CSMD1: variants seen among roughly 807,000 people sequenced by gnomAD.
CSMD1 encodes the protein CUB and sushi domain-containing protein 1.
A neutral mutation model predicts 417.5 loss-of-function variants in CSMD1; 213 were observed. The observed-to-expected ratio is 0.51, with a 90% confidence interval of 0.46 to 0.57. The LOEUF (loss-of-function observed/expected upper bound fraction) is 0.57. CSMD1 is among the 20% of genes least tolerant of loss of function. The probability of loss-of-function intolerance (pLI) is 0.00; values close to 1 mark genes in which losing one functional copy is unlikely to be tolerated. For missense variants in CSMD1, 6,923 were observed against 4,529.7 expected (o/e 1.53, Z -15.17); for synonymous variants, 2,862 against 1,736.8 (o/e 1.65, Z -16.11).
At chr8:4,732,641 C>G (rs376723202) in intron 1 of CSMD1, among the ~76,000 whole-genome samples, 1 of 152,122 alleles carries the variant, frequency 6.6e-6, no homozygotes, top group East Asian at 1.9e-4. Flanking sequence ...CCCTGGGAAT[C>G]GTGAGCTCAT....
chr8:3,041,586 TC>T (rs1398049702), intron 50 of CSMD1, among the ~76,000 whole-genome samples: 3 of 152,242 alleles, frequency 2.0e-5, no homozygotes, highest in African/African-American at 7.2e-5. Flanking sequence ...TTGTAGCATT[TC>T]AAAGAAAACA....
Position 3,397,860 on chromosome 8 carries a change from G to C in CSMD1, c.2406-1479C>G, listed in dbSNP as rs140144260. The stretch of plus-strand genomic sequence containing the variant: ...ACCGCCTGGCAATACCATCAGCACA[G>C]AGCTCAGAATTTGTGCGCACAATCC... On this transcript the variant is annotated intron_variant, in intron 16 of 69. Coordinates refer to ENST00000635120, the MANE Select transcript of CSMD1 (RefSeq NM_033225.6). 2.4e-3 allele frequency among the ~76,000 whole-genome samples: 366 copies of C among 152,222 alleles called. 1 individual carries two copies. The highest frequency in any genetic ancestry group is 4.0e-3 in the Non-Finnish European group (274 of 68,012).
intron 4 of CSMD1, among the ~76,000 whole-genome samples, chr8:4,031,031 C>G (rs1797317197): frequency 6.6e-6 from 1 of 152,174 alleles, no homozygotes; most frequent in South Asian, 2.1e-4. Flanking sequence ...ATTTCATTGT[C>G]CATATCATCA....
At chr8:3,427,974 T>C (rs1297627184) in intron 12 of CSMD1, among the ~76,000 whole-genome samples, 1 of 152,222 alleles carries the variant, frequency 6.6e-6, no homozygotes, top group Admixed American at 6.5e-5. Context: ...TTTTGAATTT[T>C]AGAAAATGGA....
intron 18 of CSMD1, among the ~76,000 whole-genome samples, chr8:3,375,628 G>A (rs1196180267): frequency 6.6e-6 from 1 of 151,974 alleles, no homozygotes; most frequent in African/African-American, 2.4e-5. Context: ...AAGGAATCTT[G>A]TGCAGAAACC....
chr8:4,631,595 G>C (rs1229844967), intron 2 of CSMD1, among the ~76,000 whole-genome samples: 3 of 152,012 alleles, frequency 2.0e-5, no homozygotes, highest in African/African-American at 4.8e-5. Context: ...TTTATGTTAG[G>C]TAGGTTTTGT....
At chr8:3,273,421 T>C (rs935176799) in intron 26 of CSMD1, among the ~76,000 whole-genome samples, 1 of 152,176 alleles carries the variant, frequency 6.6e-6, no homozygotes, top group Non-Finnish European at 1.5e-5. Context: ...TGCCAGGCTT[T>C]GGTATCAGGA....
chr8:4,269,204 G>T (rs183970263), intron 3 of CSMD1, among the ~76,000 whole-genome samples: 1 of 151,916 alleles, frequency 6.6e-6, no homozygotes, highest in Non-Finnish European at 1.5e-5. Context: ...CTACAGACCC[G>T]AGCCACCACA....
At chr8:4,143,685 A>G (rs1003112316) in intron 3 of CSMD1, among the ~76,000 whole-genome samples, 2 of 150,946 alleles carry the variant, frequency 1.3e-5, no homozygotes, top group African/African-American at 5.0e-5. Context: ...ATTTAGAATA[A>G]TTGGATAAGA....
chr8:3,218,287 C>T (rs1036993868), intron 29 of CSMD1, among the ~76,000 whole-genome samples: 2 of 152,144 alleles, frequency 1.3e-5, no homozygotes, highest in African/African-American at 2.4e-5. Flanking sequence ...ATTGGCCGGG[C>T]GCGGTGGCTC....
chr8:4,911,167 T>G (rs1805645740), intron 1 of CSMD1, among the ~76,000 whole-genome samples: 1 of 152,230 alleles, frequency 6.6e-6, no homozygotes, highest in African/African-American at 2.4e-5. Flanking sequence ...TTATCAGCAG[T>G]GTGAAAATGG....
Position 3,091,626 on chromosome 8 carries a change from C to G in CSMD1, c.7175G>C (p.Ser2392Thr), listed in dbSNP as rs760724479. Reference sequence around the variant, plus strand: ...ATTTGATTGTTCAGTATGATTCCCACTTAAGACTACTAGCAGAGGACTTTG... The same window carrying G: ...ATTTGATTGTTCAGTATGATTCCCAGTTAAGACTACTAGCAGAGGACTTTG... ...SGQSPLLVVL[S>T]GNHTEQSNFT... Residue 2392 changes from serine to threonine, a missense_variant, in exon 48 of 70, where the codon AGT (serine) becomes ACT (threonine). By Grantham distance (58) the Ser-to-Thr change is moderately conservative. Coordinates refer to ENST00000635120, the MANE Select transcript of CSMD1 (RefSeq NM_033225.6). 6.2e-7 allele frequency: 1 copy of G among 1,611,568 alleles called. No homozygotes were observed. Among genetic ancestry groups the G allele is most frequent in the South Asian group, 1.1e-5 (1 of 90,570 alleles).
chr8:4,565,363 G>A (rs1450060603), intron 2 of CSMD1, among the ~76,000 whole-genome samples: 2 of 152,150 alleles, frequency 1.3e-5, no homozygotes, highest in Admixed American at 6.5e-5. Flanking sequence ...AACAAGCCAT[G>A]TGCAGCTGTG....
At chr8:3,326,114 C>G (rs993974936) in intron 23 of CSMD1, among the ~76,000 whole-genome samples, 1 of 152,158 alleles carries the variant, frequency 6.6e-6, no homozygotes, top group Non-Finnish European at 1.5e-5. Flanking sequence ...GGCTTCTTCC[C>G]ACAGAATCCA....
At chr8:3,035,605 G>T (rs982914524) in intron 50 of CSMD1, among the ~76,000 whole-genome samples, 1 of 152,208 alleles carries the variant, frequency 6.6e-6, no homozygotes, top group African/African-American at 2.4e-5. Flanking sequence ...CTAGCATACA[G>T]ATATCAAATG....
At position 4,188,037 on chromosome 8, in the gene CSMD1, C is replaced by G. The variant is rs552662279; in HGVS notation, c.416-155938G>C. 2.5e-3 allele frequency among the ~76,000 whole-genome samples: 385 copies of G among 152,184 alleles called. 2 individuals are homozygous for G. The highest frequency in any genetic ancestry group is 8.9e-3 in the African/African-American group (371 of 41,496). On this transcript the variant is annotated intron_variant, in intron 3 of 69. Coordinates refer to ENST00000635120, the MANE Select transcript of CSMD1 (RefSeq NM_033225.6). ...TTTTAAAAAAAGACCTAAGACAGTGCAAACTTCGTCCTAGTCATAGGTGAT... is the reference window on the plus strand; with the variant it reads ...TTTTAAAAAAAGACCTAAGACAGTGGAAACTTCGTCCTAGTCATAGGTGAT...
At chr8:3,520,440 A>G (rs527366033) in intron 10 of CSMD1, among the ~76,000 whole-genome samples, 31 of 152,360 alleles carry the variant, frequency 2.0e-4, no homozygotes, top group African/African-American at 6.7e-4. Context: ...CTTAAAAATA[A>G]AACAATCTTA....
chr8:3,664,843 T>G (rs1390464197), intron 7 of CSMD1, among the ~76,000 whole-genome samples: 1 of 152,170 alleles, frequency 6.6e-6, no homozygotes, highest in African/African-American at 2.4e-5. Context: ...AGTTTAGCAG[T>G]AAAGCCAGAC....
chr8:4,138,447 C>T (rs891287824), intron 3 of CSMD1, among the ~76,000 whole-genome samples: 1 of 152,004 alleles, frequency 6.6e-6, no homozygotes, highest in Non-Finnish European at 1.5e-5. Context: ...ATCAAAAAAA[C>T]ACAGAACGCA....
Sources: allele counts gnomAD v4.1 joint callset (sites outside exome capture counted in the v4.1 genomes callset), GRCh38; gene constraint gnomAD v4.1.1; transcripts MANE v1.5; gene names NCBI Gene and HGNC (gene_info 2026-07-23, HGNC 2026-07-21).